VASH2: variants seen among roughly 807,000 people sequenced by gnomAD.
The protein encoded by VASH2 is vasohibin 2, also known as tubulinyl-Tyr carboxypeptidase 2.
A neutral mutation model predicts 37.2 loss-of-function variants in VASH2; 28 were observed. That is an observed-to-expected ratio of 0.75 (90% CI 0.56 to 1.03). VASH2 has a LOEUF of 1.03. Ranked by LOEUF, VASH2 falls within the 50% of genes least tolerant of loss-of-function variation. The pLI is 0.00. For missense variants in VASH2, 419 were observed against 459.1 expected, an observed-to-expected ratio of 0.91 and a Z score of 0.80; for synonymous variants, 188 against 174.7, an observed-to-expected ratio of 1.08 and a Z score of -0.60.
intron 5 of VASH2, chr1:212,967,632 G>T (rs2102637456): frequency 4.8e-6 from 1 of 209,292 alleles, no homozygotes; most frequent in South Asian, 1.2e-4. Context: ...AGCACAGGCT[G>T]AAGGACAGAT....
chr1:212,953,418 A>G (rs1666385713), intron 2 of VASH2, among the ~76,000 whole-genome samples: 2 of 152,118 alleles, frequency 1.3e-5, no homozygotes, highest in Non-Finnish European at 1.5e-5. Context: ...TAGACCAACC[A>G]TAAATCCTCC....
At chr1:212,961,593 C>T (rs1666678676) in intron 3 of VASH2, among the ~76,000 whole-genome samples, 1 of 152,172 alleles carries the variant, frequency 6.6e-6, no homozygotes, top group South Asian at 2.1e-4. Flanking sequence ...TTCCCCTCCT[C>T]CTGTTCTCCT....
chr1:212,986,370 A>G (rs1667478952), intron 7 of VASH2, among the ~76,000 whole-genome samples: 1 of 152,192 alleles, frequency 6.6e-6, no homozygotes, highest in African/African-American at 2.4e-5. Context: ...CTACTTGAGA[A>G]AGTCTCAAAT....
Position 212,988,563 on chromosome 1 carries a change from G to C in VASH2, c.1047G>C (p.Val349=). 1 of 1,614,124 alleles carries C rather than the reference G, an allele frequency of 6.2e-7. No homozygotes were observed. Among genetic ancestry groups the C allele is most frequent in the South Asian group, 1.1e-5 (1 of 91,078 alleles). ...KVADLSTLNE[V]GYQIRI Reference sequence around the variant, plus strand: ...CTGATCTGAGCACTCTGAATGAAGTGGGCTATCAAATCCGAATTTAGCCAA... The same window carrying C: ...CTGATCTGAGCACTCTGAATGAAGTCGGCTATCAAATCCGAATTTAGCCAA... Residue 349 remains valine (V), a synonymous_variant, in exon 8 of 8, where the codon GTG becomes GTC. Coordinates refer to ENST00000517399, the MANE Select transcript of VASH2 (RefSeq NM_001301056.2).
rs1666971721 is a variant in VASH2, at chr1:212,970,315, C to G, written c.498-2265C>G. 1.3e-5 allele frequency among the ~76,000 whole-genome samples: 2 copies of G among 152,172 alleles called. 1 individual carries two copies. Among genetic ancestry groups the G allele is most frequent in the Admixed American group, 1.3e-4 (2 of 15,278 alleles). ...TTGACATCATGATGGGAGAAATCCT[C>G]AAGATCAGTGACTCGTGACATGAGG... On this transcript the variant is annotated intron_variant, in intron 5 of 7. Coordinates refer to ENST00000517399, the MANE Select transcript of VASH2 (RefSeq NM_001301056.2).
intron 7 of VASH2, among the ~76,000 whole-genome samples, chr1:212,985,331 G>T (rs966794340): frequency 1.3e-5 from 2 of 148,910 alleles, no homozygotes; most frequent in African/African-American, 5.0e-5. Flanking sequence ...ATGACCCAGC[G>T]CACCCAGCCA....
rs1052447943 is a variant in VASH2, at chr1:212,971,210, C to T, written c.498-1370C>T. On this transcript the variant is annotated intron_variant, in intron 5 of 7. Coordinates refer to ENST00000517399, the MANE Select transcript of VASH2 (RefSeq NM_001301056.2). The surrounding 1 kb of genome is among the most constrained non-coding windows in gnomAD (Gnocchi z 4.0). ...CCCTTTATCCATCGATGGATATTTGCGTTGTTTCCACCTTCTGGCTATTGC... is the reference window on the plus strand; with the variant it reads ...CCCTTTATCCATCGATGGATATTTGTGTTGTTTCCACCTTCTGGCTATTGC... Among the ~76,000 whole-genome samples, 11 of 152,184 alleles carry T rather than the reference C, an allele frequency of 7.2e-5. No individual in the cohort carries two copies. The highest frequency in any genetic ancestry group is 2.2e-4 in the African/African-American group (9 of 41,440).
intron 5 of VASH2, among the ~76,000 whole-genome samples, chr1:212,970,860 A>T (rs185449260): frequency 4.5e-4 from 69 of 151,904 alleles, no homozygotes; most frequent in African/African-American, 1.6e-3. Context: ...ACTGCACTCC[A>T]GCCTGGGTGA....
chr1:212,960,828 G>A (rs975273236), intron 2 of VASH2, among the ~76,000 whole-genome samples: 8 of 152,316 alleles, frequency 5.3e-5, no homozygotes, highest in East Asian at 3.9e-4. Flanking sequence ...GGCCAGGCTC[G>A]GTGGGGGGAC....
chr1:212,982,624 G>A (rs1363930801), intron 7 of VASH2, among the ~76,000 whole-genome samples: 2 of 152,044 alleles, frequency 1.3e-5, no homozygotes, highest in Non-Finnish European at 2.9e-5. Context: ...ATTTCTGGCT[G>A]GGCCCCACAG....
intron 7 of VASH2, among the ~76,000 whole-genome samples, chr1:212,979,388 T>C (rs1366348040): frequency 6.6e-6 from 1 of 152,204 alleles, no homozygotes; most frequent in African/African-American, 2.4e-5. Context: ...CTGTCAGCAT[T>C]ACATAAGGCC....
At chr1:212,963,578 T>C (rs1311881962) in intron 3 of VASH2, among the ~76,000 whole-genome samples, 1 of 151,936 alleles carries the variant, frequency 6.6e-6, no homozygotes, top group Admixed American at 6.6e-5. Flanking sequence ...GTACTGGTGT[T>C]GCATGGGGTT....
intron 2 of VASH2, among the ~76,000 whole-genome samples, chr1:212,954,902 C>A (rs1436316995): frequency 6.6e-6 from 1 of 152,310 alleles, no homozygotes; most frequent in East Asian, 1.9e-4. Flanking sequence ...GTTCTCTATC[C>A]CCAGTCCTAT....
At chr1:212,978,718 C>A (rs1667251320) in intron 7 of VASH2, among the ~76,000 whole-genome samples, 1 of 152,192 alleles carries the variant, frequency 6.6e-6, no homozygotes, top group African/African-American at 2.4e-5. Context: ...TTCCCCACAA[C>A]TAGGGCCGAG....
intron 5 of VASH2, among the ~76,000 whole-genome samples, chr1:212,970,239 C>T (rs754006509): frequency 3.3e-5 from 5 of 152,180 alleles, no homozygotes; most frequent in Non-Finnish European, 7.3e-5. Flanking sequence ...CATACTACCT[C>T]GCCACCTCCC....
chr1:212,983,877 T>C (rs570629919), intron 7 of VASH2, among the ~76,000 whole-genome samples: 1 of 152,232 alleles, frequency 6.6e-6, no homozygotes, highest in Non-Finnish European at 1.5e-5. Flanking sequence ...TGGTTCAGGG[T>C]GTGGGCTCTA....
rs143295860 is a variant in VASH2 at position 212,972,824 on chromosome 1, A to C, written c.742A>C (p.Ile248Leu). 1.5e-4 allele frequency: 241 copies of C among 1,614,168 alleles called. 2 individuals carry two copies. In the African/African-American group the frequency reaches 2.9e-3, roughly 19 times the overall value. ...CCTGCACACAGTCAAGAAGGTCAAG[A>C]TTGGGCTGTACGTCCCCCATGAGCC... ...KYLHTVKKVKIGLYVPHEPHS... is the reference protein window; with the variant it reads ...KYLHTVKKVKLGLYVPHEPHS... The change falls in exon 6 of 8, where the codon ATT (isoleucine) becomes CTT (leucine). Residue 248 changes from isoleucine to leucine, a missense_variant. Coordinates refer to ENST00000517399, the MANE Select transcript of VASH2 (RefSeq NM_001301056.2).
intron 5 of VASH2, 131 bp downstream of exon 5, chr1:212,966,476 CCT>C (rs769062000): frequency 1.3e-6 from 1 of 754,958 alleles, no homozygotes; most frequent in South Asian, 1.7e-5. Context: ...GTGTCAAACT[CCT>C]CTGGTTCATC....
intron 7 of VASH2, among the ~76,000 whole-genome samples, chr1:212,977,309 G>A (rs1667206631): frequency 6.6e-6 from 1 of 152,212 alleles, no homozygotes; most frequent in South Asian, 2.1e-4. Context: ...ACCTGTGTAA[G>A]GGGACGGGGG....
Sources: allele counts gnomAD v4.1 joint callset (sites outside exome capture counted in the v4.1 genomes callset), GRCh38; gene constraint gnomAD v4.1.1; non-coding constraint Gnocchi (gnomAD v3.1); transcripts MANE v1.5; gene names NCBI Gene and HGNC (gene_info 2026-07-23, HGNC 2026-07-21).